The following NAALADL2 variants were observed in gnomAD, a reference collection of about 807,000 sequenced individuals.
The protein encoded by NAALADL2 is inactive N-acetylated-alpha-linked acidic dipeptidase-like protein 2.
NAALADL2 carries 76 observed loss-of-function variants against 87.2 expected under a neutral mutation model. That is an observed-to-expected ratio of 0.87 (90% CI 0.72 to 1.05). The LOEUF is 1.05. NAALADL2 is among the 50% of genes least tolerant of loss of function. The probability of loss-of-function intolerance (pLI) is 0.00; values close to 1 mark genes in which losing one functional copy is unlikely to be tolerated. For missense variants in NAALADL2, 1,089 were observed against 945.8 expected (o/e 1.15, Z -1.99); for synonymous variants, 354 against 331.0 (o/e 1.07, Z -0.75).
At chr3:175,497,976 A>G (rs1230683113) in intron 9 of NAALADL2, among the ~76,000 whole-genome samples, 1 of 152,096 alleles carries the variant, frequency 6.6e-6, no homozygotes, top group African/African-American at 2.4e-5. Flanking sequence ...TGTAATATTT[A>G]GAAAGATGAA....
chr3:174,547,827 A>G (rs1310114388), intron 1 of NAALADL2, among the ~76,000 whole-genome samples: 1 of 152,174 alleles, frequency 6.6e-6, no homozygotes, highest in East Asian at 1.9e-4. Context: ...TTGTGAGCAT[A>G]TTTTGATGTG....
chr3:175,691,847 GTT>G (rs1285688146), intron 11 of NAALADL2, among the ~76,000 whole-genome samples: 1 of 151,994 alleles, frequency 6.6e-6, no homozygotes, highest in Non-Finnish European at 1.5e-5. Context: ...TAATTTAAAA[GTT>G]TTTCTTATTT....
intron 3 of NAALADL2, among the ~76,000 whole-genome samples, chr3:174,825,855 G>A (rs1327832777): frequency 2.0e-5 from 3 of 152,006 alleles, no homozygotes; most frequent in South Asian, 2.1e-4. Flanking sequence ...GTGAAACCTC[G>A]TCTCTACTAA....
chr3:174,510,673 T>C (rs1387911865), intron 1 of NAALADL2, among the ~76,000 whole-genome samples: 1 of 152,000 alleles, frequency 6.6e-6, no homozygotes, highest in Admixed American at 6.5e-5. Context: ...TTTTCTGTAT[T>C]GTTTGTCCAT....
chr3:174,836,517 C>T (rs1052934999), intron 3 of NAALADL2, among the ~76,000 whole-genome samples: 4 of 151,798 alleles, frequency 2.6e-5, no homozygotes, highest in Admixed American at 6.6e-5. Context: ...CTGGCTAACA[C>T]GGTGAAACCC....
At chr3:174,910,197 G>T (rs548242786) in intron 1 of NAALADL2, among the ~76,000 whole-genome samples, 1 of 151,866 alleles carries the variant, frequency 6.6e-6, no homozygotes, top group East Asian at 1.9e-4. Context: ...ATCGTCAGAA[G>T]GTTAGAAACA....
chr3:175,573,023 T>A (rs1021853567), intron 9 of NAALADL2, among the ~76,000 whole-genome samples: 1 of 152,216 alleles, frequency 6.6e-6, no homozygotes, highest in Non-Finnish European at 1.5e-5. Context: ...TAAATGTTTA[T>A]ATAACTAATG....
intron 2 of NAALADL2, among the ~76,000 whole-genome samples, chr3:174,673,864 C>T (rs1726795332): frequency 6.6e-6 from 1 of 151,926 alleles, no homozygotes; most frequent in Non-Finnish European, 1.5e-5. Context: ...GCTAAATACC[C>T]TTATTTGATC....
chr3:175,221,675 A>G (rs1018121119), intron 2 of NAALADL2, among the ~76,000 whole-genome samples: 5 of 152,026 alleles, frequency 3.3e-5, no homozygotes, highest in African/African-American at 1.2e-4. Flanking sequence ...TAACTCAACC[A>G]CTACAGCTAC....
chr3:175,701,793 A>G (rs1229674878), intron 11 of NAALADL2, among the ~76,000 whole-genome samples: 3 of 152,222 alleles, frequency 2.0e-5, no homozygotes, highest in Admixed American at 2.0e-4. Context: ...CAAAGAATGT[A>G]TTCAACAGGA....
intron 2 of NAALADL2, among the ~76,000 whole-genome samples, chr3:174,552,846 A>C (rs1712308280): frequency 6.6e-6 from 1 of 150,556 alleles, no homozygotes; most frequent in African/African-American, 2.4e-5. Context: ...TGGAGTTAGC[A>C]CCGAATAATT....
At chr3:175,768,357 G>A (rs1170613285) in intron 13 of NAALADL2, among the ~76,000 whole-genome samples, 2 of 152,018 alleles carry the variant, frequency 1.3e-5, no homozygotes, top group Non-Finnish European at 2.9e-5. Flanking sequence ...CAGGGCCTCT[G>A]TATACACTTT....
chr3:175,323,993 G>A (rs1486480773), intron 4 of NAALADL2, among the ~76,000 whole-genome samples, 182 bp from the exon 5 acceptor site: 3 of 141,260 alleles, frequency 2.1e-5, no homozygotes, highest in Non-Finnish European at 4.5e-5. Flanking sequence ...ACTCCAGCCT[G>A]GGCGACAGAG....
intron 11 of NAALADL2, among the ~76,000 whole-genome samples, chr3:175,724,481 C>A (rs1197380372): frequency 3.3e-5 from 5 of 152,232 alleles, no homozygotes; most frequent in African/African-American, 1.2e-4. Flanking sequence ...ATCAAAGGAT[C>A]TAAAGCACTT....
At chr3:174,929,910 G>A (rs982372022) in intron 1 of NAALADL2, among the ~76,000 whole-genome samples, 5 of 152,080 alleles carry the variant, frequency 3.3e-5, no homozygotes, top group African/African-American at 1.2e-4. Context: ...AAGAATAAAT[G>A]ACATAGTGTA....
intron 1 of NAALADL2, among the ~76,000 whole-genome samples, chr3:174,962,332 ATTG>A (rs199752251): frequency 0.02 from 2,093 of 104,328 alleles, 73 homozygotes; most frequent in African/African-American, 0.071. Flanking sequence ...ACACCAAAGT[ATTG>A]TTGTTTAATG....
At chr3:174,777,666 A>G (rs554482044) in intron 3 of NAALADL2, among the ~76,000 whole-genome samples, 4 of 152,120 alleles carry the variant, frequency 2.6e-5, no homozygotes, top group Admixed American at 6.6e-5. Context: ...AAATTGCACT[A>G]TTCTTTCTGT....
intron 2 of NAALADL2, among the ~76,000 whole-genome samples, chr3:175,194,042 C>T (rs1022355558): frequency 5.3e-5 from 8 of 151,684 alleles, no homozygotes; most frequent in South Asian, 4.1e-4. Flanking sequence ...CCGATATGTA[C>T]GTGTGTTGGT....
chr3:174,465,244 G>C (rs1480218925), intron 1 of NAALADL2, among the ~76,000 whole-genome samples: 1 of 151,848 alleles, frequency 6.6e-6, no homozygotes, highest in South Asian at 2.1e-4. Context: ...ATTGAAAAAA[G>C]GTAATTTTGA....
Sources: allele counts gnomAD v4.1 joint callset (sites outside exome capture counted in the v4.1 genomes callset), GRCh38; gene constraint gnomAD v4.1.1; transcripts MANE v1.5; gene names NCBI Gene and HGNC (gene_info 2026-07-23, HGNC 2026-07-21).